WNK2: variants seen among roughly 807,000 people sequenced by gnomAD.
WNK2 encodes serine/threonine-protein kinase WNK2.
A neutral mutation model predicts 192.1 loss-of-function variants in WNK2; 67 were observed. That is an observed-to-expected ratio of 0.35 (90% confidence interval 0.29 to 0.43). The LOEUF (loss-of-function observed/expected upper bound fraction) is 0.43. Ranked by LOEUF, WNK2 falls within the 20% of genes least tolerant of loss-of-function variation. The probability of loss-of-function intolerance (pLI) is 1.00; values close to 1 mark genes in which losing one functional copy is unlikely to be tolerated. For synonymous variants in WNK2, 1,439 were observed against 1,393.9 expected (o/e 1.03, Z -0.72); for missense variants, 2,698 against 3,089.7 (o/e 0.87, Z 3.01).
At chr9:93,250,217 T>G (rs1382780698) in intron 8 of WNK2, among the ~76,000 whole-genome samples, 1 of 152,100 alleles carries the variant, frequency 6.6e-6, no homozygotes, top group African/African-American at 2.4e-5. Flanking sequence ...CACATACACA[T>G]GGCTACCACA....
chr9:93,318,275 A>C (rs966066305), intron 29 of WNK2: 56 of 1,507,428 alleles, frequency 3.7e-5, no homozygotes, highest in Non-Finnish European at 4.8e-5. Context: ...GCTGAAGTTC[A>C]ATCTTTGGTT....
chr9:93,251,558 A>G (rs1032067963), intron 8 of WNK2, among the ~76,000 whole-genome samples: 4 of 152,192 alleles, frequency 2.6e-5, no homozygotes, highest in Admixed American at 1.3e-4. Flanking sequence ...AAAGATAGAA[A>G]AATTAGCCAG....
intron 8 of WNK2, among the ~76,000 whole-genome samples, chr9:93,251,118 T>G (rs1264097132): frequency 1.3e-5 from 2 of 150,280 alleles, no homozygotes. Flanking sequence ...TTTTAAAAAT[T>G]TTTTTATTAT....
At chr9:93,235,856 C>A (rs954750625) in intron 5 of WNK2, among the ~76,000 whole-genome samples, 1 of 152,360 alleles carries the variant, frequency 6.6e-6, no homozygotes, top group East Asian at 1.9e-4. Flanking sequence ...TGGTCCTCAG[C>A]AGCTGCACAG....
chr9:93,282,803 A>C (rs929719642), intron 19 of WNK2, among the ~76,000 whole-genome samples: 19 of 152,368 alleles, frequency 1.2e-4, no homozygotes, highest in African/African-American at 4.1e-4. Context: ...CCACAGAATT[A>C]GTATCTTATA....
chr9:93,248,329 G>A (rs1842075238), intron 8 of WNK2, among the ~76,000 whole-genome samples: 1 of 152,250 alleles, frequency 6.6e-6, no homozygotes, highest in Admixed American at 6.5e-5. Flanking sequence ...AGGAGATTAA[G>A]GCTCAATGAA....
intron 28 of WNK2, among the ~76,000 whole-genome samples, chr9:93,313,332 A>C (rs562770676): frequency 2.9e-4 from 44 of 151,026 alleles, no homozygotes; most frequent in African/African-American, 8.0e-4. Context: ...CTATCCATTC[A>C]GTTTTTAATT....
At chr9:93,211,650 C>G (rs1834776172) in intron 2 of WNK2, among the ~76,000 whole-genome samples, 1 of 150,354 alleles carries the variant, frequency 6.7e-6, no homozygotes, top group African/African-American at 2.5e-5. Flanking sequence ...ACTCACCCAC[C>G]CACTCATTCA....
At chr9:93,219,344 C>G (rs1040997067) in intron 2 of WNK2, among the ~76,000 whole-genome samples, 1 of 152,266 alleles carries the variant, frequency 6.6e-6, no homozygotes, top group Non-Finnish European at 1.5e-5. Context: ...GCTTGAGTCC[C>G]TCCTGCTCCT....
At chr9:93,308,102 T>C in intron 27 of WNK2, 1 of 850,478 alleles carries the variant, frequency 1.2e-6, no homozygotes, top group Non-Finnish European at 1.8e-6. Context: ...CTGGCCTGGC[T>C]TCTGAGGTGG....
chr9:93,239,343 G>A lies in WNK2; in HGVS notation c.1323-414G>A, dbSNP rs527997257. On this transcript the variant is annotated intron_variant, in intron 6 of 29. Transcript: ENST00000427277. This position sits in a 1 kb window ranked among gnomAD's most constrained non-coding sequence, Gnocchi z 4.2. ...GCACTGGGCACAGGGAGCTCAGAGC[G>A]TGGGGGGCTCCGCCTCTGTGTCCAT... Among the ~76,000 whole-genome samples the A allele has an allele frequency of 5.3e-5, 8 of 152,324 alleles. No individual in the cohort carries two copies. The highest frequency in any genetic ancestry group is 3.3e-4 in the Admixed American group (5 of 15,308).
rs1357935642 is a variant in WNK2 at position 93,293,456 on chromosome 9, AC to A, written c.5708+284del. ...TCCCTCAGCCTCCCGAGTAGCTGGGACTACAGGTGCCTGCCACCACGCCCGG... is the reference window on the plus strand; with the variant it reads ...TCCCTCAGCCTCCCGAGTAGCTGGGATACAGGTGCCTGCCACCACGCCCGG... On this transcript the variant is annotated intron_variant, in intron 23 of 29. Transcript: ENST00000427277. 4.0e-5 allele frequency among the ~76,000 whole-genome samples: 6 copies of A among 151,710 alleles called. 1 individual carries two copies. Among genetic ancestry groups the A allele is most frequent in the Non-Finnish European group, 8.8e-5 (6 of 67,988 alleles).
chr9:93,300,148 C>T lies in WNK2; in HGVS notation c.6213C>T (p.Ile2071=), dbSNP rs1323660900. 1.2e-6 allele frequency: 2 copies of T among 1,611,346 alleles called. No individual in the cohort carries two copies. The highest frequency in any genetic ancestry group is 2.2e-5 in the East Asian group (1 of 44,836). Residue 2071 remains isoleucine (I), a splice_region_variant and synonymous_variant, in exon 26 of 30, where the codon ATC becomes ATT. Transcript: ENST00000427277. Reference sequence around the variant, plus strand: ...TCAGTGGACCCGTATCTGTGTCCATCTGTCTGTATTTGTTCTTTTGTATTT... The same window carrying T: ...TCAGTGGACCCGTATCTGTGTCCATTTGTCTGTATTTGTTCTTTTGTATTT... The part of the protein sequence containing the change: ...RFLSGPVSVS[I]WSALKRLCLG...
At chr9:93,271,924 A>G (rs540219044) in intron 19 of WNK2, among the ~76,000 whole-genome samples, 134 of 152,360 alleles carry the variant, frequency 8.8e-4, no homozygotes, top group African/African-American at 3.1e-3. Flanking sequence ...TTGAGTGACT[A>G]TAGATTTCTC....
chr9:93,318,206 T>C (rs1855084307), intron 29 of WNK2: 1 of 1,481,366 alleles, frequency 6.8e-7, no homozygotes, highest in Non-Finnish European at 8.9e-7. Context: ...GGCTTGTGCA[T>C]TGATAATCTT....
At position 93,289,567 on chromosome 9, in the gene WNK2, C is replaced by A; in HGVS notation, c.4813C>A (p.Pro1605Thr). ...SEVCGGDLAL[P>T]PVPKEAVSGR... ...GGTCTGCGGGGGGGACCTGGCCCTG[C>A]CCCCAGTGCCTAAGGAGGCGGTCTC... Residue 1605 changes from proline to threonine, a missense_variant, in exon 20 of 30, where the codon CCC becomes ACC. By Grantham distance (38) the Pro-to-Thr change is conservative. Around this residue, in one of 7 missense-constraint regions of WNK2, gnomAD observed 1,098 missense variants for 1,101.0 expected, o/e 1.00. Transcript: ENST00000427277. 6.5e-7 allele frequency: 1 copy of A among 1,538,216 alleles called. No individual in the cohort carries two copies. The highest frequency in any genetic ancestry group is 8.7e-7 in the Non-Finnish European group (1 of 1,143,108).
At chr9:93,194,032 G>T (rs1030501117) in intron 2 of WNK2, among the ~76,000 whole-genome samples, 1 of 152,156 alleles carries the variant, frequency 6.6e-6, no homozygotes, top group Non-Finnish European at 1.5e-5. Flanking sequence ...AACAAATGGC[G>T]CTGGAACAAC....
chr9:93,235,352 C>T (rs1839625647), intron 5 of WNK2, among the ~76,000 whole-genome samples: 1 of 152,248 alleles, frequency 6.6e-6, no homozygotes, highest in Non-Finnish European at 1.5e-5. Context: ...CTGGGCCGCC[C>T]ATGGCTGCCT....
At chr9:93,242,754 G>T (rs916749671) in intron 7 of WNK2, among the ~76,000 whole-genome samples, 7 of 152,202 alleles carry the variant, frequency 4.6e-5, no homozygotes, top group Admixed American at 4.6e-4. Context: ...GGAGTCTCAC[G>T]CACAAATGAG....
Sources: allele counts gnomAD v4.1 joint callset (sites outside exome capture counted in the v4.1 genomes callset), GRCh38; gene constraint gnomAD v4.1.1; regional missense constraint gnomAD v4.1.1; non-coding constraint Gnocchi (gnomAD v3.1); transcripts MANE v1.5; gene names NCBI Gene and HGNC (gene_info 2026-07-23, HGNC 2026-07-21).